PEX5L: variants seen among roughly 807,000 people sequenced by gnomAD.
PEX5L encodes the protein peroxisomal biogenesis factor 5 like, also known as PEX5-related protein.
A neutral mutation model predicts 84.0 loss-of-function variants in PEX5L; 30 were observed. The ratio of observed to expected loss-of-function variants is 0.36; its 90% CI spans 0.27 to 0.48. The LOEUF is 0.48. PEX5L is among the 20% of genes least tolerant of loss of function. PEX5L has a pLI of 0.99. For synonymous variants in PEX5L, 270 were observed against 283.1 expected (o/e 0.95, Z 0.46); for missense variants, 533 against 754.6 (o/e 0.71, Z 3.44).
chr3:180,015,241 T>C (rs1789841867), intron 1 of PEX5L, among the ~76,000 whole-genome samples: 1 of 152,190 alleles, frequency 6.6e-6, no homozygotes, highest in Non-Finnish European at 1.5e-5. Context: ...CCTGCTAACA[T>C]TTGATGAATG....
At chr3:179,861,537 G>A (rs1219428022) in intron 7 of PEX5L, among the ~76,000 whole-genome samples, 1 of 152,186 alleles carries the variant, frequency 6.6e-6, no homozygotes, top group East Asian at 1.9e-4. Flanking sequence ...GAAGGGTGGC[G>A]GGGTACCTCT....
At chr3:179,988,030 C>T (rs576148108) in intron 1 of PEX5L, among the ~76,000 whole-genome samples, 3 of 152,162 alleles carry the variant, frequency 2.0e-5, no homozygotes, top group Non-Finnish European at 4.4e-5. Context: ...GAAGACCAGA[C>T]GATCTTTCAC....
intron 14 of PEX5L, among the ~76,000 whole-genome samples, chr3:179,803,678 C>T (rs1720018083): frequency 1.3e-5 from 2 of 152,224 alleles, no homozygotes; most frequent in Non-Finnish European, 2.9e-5. Context: ...TTTTCATACC[C>T]TTGATCTCAT....
At position 179,797,605 on chromosome 3, in the gene PEX5L, A is replaced by AATATATATATATATATATATATAT. The variant is rs568586727; in HGVS notation, c.*4199_*4222dup. On this transcript the variant is annotated 3_prime_UTR_variant, in exon 15 of 15. Transcript: ENST00000467460. ...AACACTCTTTAAAAAAAAAAAAAAAAATATATATATATATATATATATATA... is the reference window on the plus strand; with the variant it reads ...AACACTCTTTAAAAAAAAAAAAAAAAATATATATATATATATATATATATATATATATATATATATATATATATA... The AATATATATATATATATATATATAT allele has an allele frequency of 3.4e-5, 3 of 89,174 alleles. No individual in the cohort carries two copies. The highest frequency in any genetic ancestry group is 1.4e-4 in the African/African-American group (3 of 22,200). The allele number at this position is 89,174 out of a possible 1,614,324, so 5.5% of individuals were successfully genotyped here.
intron 2 of PEX5L, among the ~76,000 whole-genome samples, chr3:179,921,143 T>C (rs1177751652): frequency 1.3e-5 from 2 of 152,124 alleles, no homozygotes; most frequent in African/African-American, 2.4e-5. Flanking sequence ...GGTAACATAA[T>C]GGATGAAGTC....
At chr3:179,832,469 C>T (rs1310975901) in intron 8 of PEX5L, among the ~76,000 whole-genome samples, 2 of 150,264 alleles carry the variant, frequency 1.3e-5, no homozygotes, top group African/African-American at 4.9e-5. Flanking sequence ...CCTACCTACC[C>T]ACCTACCCAC....
intron 5 of PEX5L, among the ~76,000 whole-genome samples, chr3:179,876,748 C>G (rs1398105680): frequency 6.6e-6 from 1 of 152,066 alleles, no homozygotes; most frequent in Non-Finnish European, 1.5e-5. Context: ...CCCCACAAAC[C>G]CTGGTAACTT....
intron 1 of PEX5L, among the ~76,000 whole-genome samples, chr3:180,034,273 C>T (rs1479589485): frequency 6.6e-6 from 1 of 152,190 alleles, no homozygotes; most frequent in African/African-American, 2.4e-5. Context: ...AGTCAAGTAA[C>T]ATTATGTTTC....
intron 8 of PEX5L, among the ~76,000 whole-genome samples, chr3:179,825,604 G>GAA (rs11420270): frequency 0.034 from 5,100 of 150,864 alleles, 316 homozygotes; most frequent in African/African-American, 0.12. Context: ...GGGTATGCTG[G>GAA]AAAAAAAAAG....
At chr3:179,978,478 C>T (rs1164906167) in intron 1 of PEX5L, among the ~76,000 whole-genome samples, 1 of 152,096 alleles carries the variant, frequency 6.6e-6, no homozygotes, top group Non-Finnish European at 1.5e-5. Flanking sequence ...ATAATTTTTA[C>T]AGAGAGACCC....
chr3:179,867,420 A>T (rs1264223940), intron 7 of PEX5L, among the ~76,000 whole-genome samples: 1 of 151,982 alleles, frequency 6.6e-6, no homozygotes, highest in Admixed American at 6.6e-5. Flanking sequence ...CAGATTTCCT[A>T]CTGTGCTGGA....
Position 179,934,441 on chromosome 3 carries a change from T to C in PEX5L, c.94-36195A>G, listed in dbSNP as rs139296451. The stretch of plus-strand genomic sequence containing the variant: ...ATGCACTAAGAACCTTCATGAACAT[T>C]GTCTCAATTAATCCTTAGCACAAAT... On this transcript the variant is annotated intron_variant, in intron 2 of 14. Transcript: ENST00000467460. Among the ~76,000 whole-genome samples the C allele has an allele frequency of 1.6e-4, 25 of 152,304 alleles. No individual in the cohort carries two copies. In the East Asian group the frequency reaches 4.4e-3, roughly 27 times the overall value.
At chr3:179,920,804 TCG>T (rs1769096442) in intron 2 of PEX5L, among the ~76,000 whole-genome samples, 1 of 152,168 alleles carries the variant, frequency 6.6e-6, no homozygotes, top group African/African-American at 2.4e-5. Flanking sequence ...TAATAAATGC[TCG>T]GAAAGTATTT....
chr3:180,002,936 C>T (rs1788555307), intron 1 of PEX5L, among the ~76,000 whole-genome samples: 1 of 152,066 alleles, frequency 6.6e-6, no homozygotes, highest in African/African-American at 2.4e-5. Flanking sequence ...CTTACATTTT[C>T]ATAGCTTGTT....
intron 8 of PEX5L, among the ~76,000 whole-genome samples, chr3:179,847,519 G>A (rs1032493734): frequency 2.0e-5 from 3 of 152,142 alleles, no homozygotes; most frequent in African/African-American, 7.2e-5. Context: ...TATGAATAAA[G>A]TCAAATGAAT....
rs749208911 is a variant in PEX5L, at chr3:179,922,441, C to CTT, written c.94-24197_94-24196dup. On this transcript the variant is annotated intron_variant, in intron 2 of 14. Coordinates refer to ENST00000467460, the MANE Select transcript of PEX5L (RefSeq NM_016559.3). The stretch of plus-strand genomic sequence containing the variant: ...GCTGTTTTTAGAATTTCACTGCTTC[C>CTT]TTTTCTTTTCTTTTTTTTTTTTTTT... Among the ~76,000 whole-genome samples the CTT allele has an allele frequency of 2.5e-4, 30 of 119,192 alleles. 1 individual carries two copies. The highest frequency in any genetic ancestry group is 2.0e-4 in the Non-Finnish European group (11 of 55,182). The allele number at this position is 119,192 out of a possible 152,430, so 78.2% of individuals were successfully genotyped here. A position where few individuals can be genotyped will look rare whatever the true frequency, so the allele number is the denominator to read the frequency against.
At position 179,816,005 on chromosome 3, in the gene PEX5L, C is replaced by T. The variant is rs143534743; in HGVS notation, c.940-1G>A. The stretch of plus-strand genomic sequence containing the variant: ...GGTTTTCAGTGTGAAAGTAATATCC[C>T]TGCAACACAGAAAAAGGCCAGTGCA... On this transcript the variant is annotated splice_acceptor_variant, in intron 9 of 14. Coordinates refer to ENST00000467460, the MANE Select transcript of PEX5L (RefSeq NM_016559.3). LOFTEE classifies it high-confidence loss of function. 1.2e-6 allele frequency: 2 copies of T among 1,614,004 alleles called. No individual in the cohort carries two copies. Among genetic ancestry groups the T allele is most frequent in the African/African-American group, 1.3e-5 (1 of 75,030 alleles).
At chr3:179,969,214 C>T (rs58213740) in intron 2 of PEX5L, among the ~76,000 whole-genome samples, 1,542 of 152,014 alleles carry the variant, frequency 0.01, 29 homozygotes, top group African/African-American at 0.036. Flanking sequence ...CTTTTGGCAC[C>T]ACTTACTGAA....
In PEX5L at chr3:179,923,152, T is replaced by G. The variant is rs189836056; in HGVS notation, c.94-24906A>C. Reference sequence around the variant, plus strand: ...AAAATACAAAAAAAATTAGTTGGGCTTGGTGGCGGGCACCTGTAGTCCCAG... The same window carrying G: ...AAAATACAAAAAAAATTAGTTGGGCGTGGTGGCGGGCACCTGTAGTCCCAG... On this transcript the variant is annotated intron_variant, in intron 2 of 14. Coordinates refer to ENST00000467460, the MANE Select transcript of PEX5L (RefSeq NM_016559.3). Among the ~76,000 whole-genome samples, 708 of 151,858 alleles carry G rather than the reference T, an allele frequency of 4.7e-3. 3 individuals are homozygous for G. Among genetic ancestry groups the G allele is most frequent in the Non-Finnish European group, 7.2e-3 (491 of 67,916 alleles).
Sources: gnomAD v4.1 joint callset for allele counts (sites outside exome capture counted in the v4.1 genomes callset) on GRCh38, gnomAD v4.1.1 for gene constraint, MANE v1.5 for transcripts, NCBI Gene and HGNC (gene_info 2026-07-23, HGNC 2026-07-21) for gene names.